Variants in HK1 observed in about 807,000 individuals in gnomAD.
HK1 encodes hexokinase-1.
In HK1, 28 loss-of-function variants were observed where a neutral mutation model predicts 91.6. That is an observed-to-expected ratio of 0.31 (90% CI 0.23 to 0.42). The LOEUF (loss-of-function observed/expected upper bound fraction) is 0.42, where lower values mean the gene tolerates loss of function less well. HK1 is among the 10% of genes least tolerant of loss of function. The pLI is 1.00. For missense variants in HK1, 770 were observed against 1,219.8 expected (o/e 0.63, Z 5.49); for synonymous variants, 430 against 468.1 (o/e 0.92, Z 1.05).
chr10:69,330,939 G>T (rs1847683993), intron 1 of HK1, among the ~76,000 whole-genome samples: 3 of 151,390 alleles, frequency 2.0e-5, no homozygotes. Flanking sequence ...GAGTGCAGTG[G>T]TGCAGTCTCG....
chr10:69,295,712 C>A, intron 4 of HK1: 1 of 1,369,426 alleles, frequency 7.3e-7, no homozygotes, highest in Non-Finnish European at 1.0e-6. Context: ...TTATTTCCTT[C>A]TGTAACATTT....
At chr10:69,377,428 G>A (rs61870961) in intron 8 of HK1, among the ~76,000 whole-genome samples, 2 of 148,432 alleles carry the variant, frequency 1.3e-5, no homozygotes, top group African/African-American at 2.5e-5. Flanking sequence ...CAGACTATTC[G>A]AGCAAGGAGC....
In HK1 at chr10:69,382,643, G is replaced by A. The variant is rs2132885233; in HGVS notation, c.1422G>A (p.Leu474=). Residue 474 remains leucine, a synonymous_variant, in exon 10 of 18, where the codon CTG becomes CTA. Transcript: ENST00000359426. ...AEQHRQIEET[L]AHFHLTKDML... is the part of the protein sequence containing the mutation. ...AGCACCGGCAGATAGAGGAGACCCT[G>A]GCTCATTTCCACCTCACCAAGGACA... The A allele has an allele frequency of 6.2e-7, 1 of 1,614,192 alleles. No homozygotes were observed. The highest frequency in any genetic ancestry group is 8.5e-7 in the Non-Finnish European group (1 of 1,180,034).
intron 1 of HK1, chr10:69,338,363 C>T (rs1268582434): frequency 4.2e-6 from 5 of 1,190,814 alleles, no homozygotes; most frequent in African/African-American, 3.2e-5. Context: ...TGGGACTGGG[C>T]GCCTTCCCAT....
At chr10:69,281,974 C>CT (rs1564750315) in intron 1 of HK1, among the ~76,000 whole-genome samples, 2 of 152,086 alleles carry the variant, frequency 1.3e-5, no homozygotes, top group Non-Finnish European at 1.5e-5. Context: ...CTAGTTGTTT[C>CT]TTTTTTTAGC....
At chr10:69,284,649 C>CT (rs1844928705) in intron 2 of HK1, among the ~76,000 whole-genome samples, 1 of 152,004 alleles carries the variant, frequency 6.6e-6, no homozygotes, top group Non-Finnish European at 1.5e-5. Context: ...TCCTATTTCC[C>CT]TTTTTCTGAG....
At chr10:69,303,547 T>G (rs997657041) in intron 5 of HK1, among the ~76,000 whole-genome samples, 1 of 152,124 alleles carries the variant, frequency 6.6e-6, no homozygotes, top group Non-Finnish European at 1.5e-5. Flanking sequence ...GACCGGCCTG[T>G]AGAGACAGTA....
chr10:69,359,065 AAG>A (rs200572185), intron 2 of HK1, among the ~76,000 whole-genome samples: 3,770 of 152,088 alleles, frequency 0.025, 75 homozygotes, highest in Admixed American at 0.039. Context: ...TAAAAAAAAA[AAG>A]AGTAAAATTC....
intron 3 of HK1, among the ~76,000 whole-genome samples, chr10:69,362,434 G>GTT (rs34834335): frequency 1.9e-3 from 251 of 135,486 alleles, no homozygotes; most frequent in African/African-American, 4.1e-3. Context: ...AGAAAATAAT[G>GTT]TTTTTTTTTT....
At chr10:69,289,102 A>T (rs114509887) in intron 3 of HK1, among the ~76,000 whole-genome samples, 2 of 152,098 alleles carry the variant, frequency 1.3e-5, no homozygotes, top group Non-Finnish European at 1.5e-5. Context: ...GAGGGCTCAC[A>T]TGTACCATAG....
intron 2 of HK1, among the ~76,000 whole-genome samples, chr10:69,287,164 C>T (rs1311966362): frequency 3.3e-5 from 5 of 152,180 alleles, no homozygotes; most frequent in African/African-American, 7.2e-5. Flanking sequence ...GTTTAATTGA[C>T]TTACAGTTCA....
chr10:69,386,570 T>C (rs58886833), intron 13 of HK1, 152 bp downstream of exon 13: 7,614 of 556,094 alleles, frequency 0.014, 204 homozygotes, highest in African/African-American at 0.06. Flanking sequence ...GATCATGAGG[T>C]CAGGAGTTCT....
chr10:69,315,945 G>A, upstream of HK1: 2 of 1,613,852 alleles, frequency 1.2e-6, no homozygotes, highest in South Asian at 1.1e-5. Flanking sequence ...GAGTCTGGGT[G>A]TATATCCAGA....
intron 2 of HK1, among the ~76,000 whole-genome samples, chr10:69,344,366 C>A (rs1473539189): frequency 6.6e-6 from 1 of 152,142 alleles, no homozygotes; most frequent in Non-Finnish European, 1.5e-5. Context: ...TGAAGAACTC[C>A]AGAACAAATG....
intron 5 of HK1, among the ~76,000 whole-genome samples, chr10:69,303,151 T>C (rs2132507214): frequency 6.6e-6 from 1 of 152,176 alleles, no homozygotes; most frequent in South Asian, 2.1e-4. Flanking sequence ...ACATTGGAAT[T>C]TTGTTTTTCT....
At position 69,369,185 on chromosome 10, in the gene HK1, A is replaced by T; in HGVS notation, c.592-52A>T. The T allele has an allele frequency of 7.3e-7, 1 of 1,362,042 alleles. No homozygotes were observed. The highest frequency in any genetic ancestry group is 1.1e-6 in the Non-Finnish European group (1 of 951,190). The allele number at this position is 1,362,042 out of a possible 1,614,324, so 84.4% of individuals were successfully genotyped here. A position where few individuals can be genotyped will look rare whatever the true frequency, so the allele number is the denominator to read the frequency against. ...CTGCCAAGCGCTGTTAAGGTGTGTGATCTCTGCTCCCATGTGTGAGTGGAC... is the reference window on the plus strand; with the variant it reads ...CTGCCAAGCGCTGTTAAGGTGTGTGTTCTCTGCTCCCATGTGTGAGTGGAC... On this transcript the variant is annotated intron_variant, in intron 5 of 17. Transcript: ENST00000359426. This position sits in a 1 kb window ranked among gnomAD's most constrained non-coding sequence, Gnocchi z 4.4.
chr10:69,320,938 T>C (rs1035468455), intron 1 of HK1, among the ~76,000 whole-genome samples: 1 of 152,220 alleles, frequency 6.6e-6, no homozygotes, highest in African/African-American at 2.4e-5. Context: ...CGTAGGTACC[T>C]GAGTGTGTGA....
chr10:69,354,215 T>TGTGTCTCACATGATGGCAG lies in HK1; in HGVS notation c.227-5665_227-5664insAGGTGTCTCACATGATGGC, dbSNP rs547112264. 3.3e-3 allele frequency among the ~76,000 whole-genome samples: 509 copies of TGTGTCTCACATGATGGCAG among 152,330 alleles called. 1 individual carries two copies. The highest frequency in any genetic ancestry group is 0.011 in the African/African-American group (471 of 41,564). ...AACATACTCTGGTTTTTCCTCTGTG[T>TGTGTCTCACATGATGGCAG]GTGTCTCACATGATGGCGTAACTGC... is the stretch of plus-strand genomic sequence containing the variant. On this transcript the variant is annotated intron_variant, in intron 2 of 17. Transcript: ENST00000359426.
intron 2 of HK1, among the ~76,000 whole-genome samples, chr10:69,348,745 A>G (rs1425682593): frequency 6.6e-6 from 1 of 151,964 alleles, no homozygotes. Context: ...TGGGAGGCAG[A>G]GTTGCAGTGA....
Sources: gnomAD v4.1 joint callset for allele counts (sites outside exome capture counted in the v4.1 genomes callset) on GRCh38, gnomAD v4.1.1 for gene constraint, Gnocchi (gnomAD v3.1) non-coding constraint, MANE v1.5 for transcripts, NCBI Gene and HGNC (gene_info 2026-07-23, HGNC 2026-07-21) for gene names.